The following BMP2K variants were observed in gnomAD, a reference collection of about 807,000 sequenced individuals.
BMP2K encodes BMP-2-inducible protein kinase.
BMP2K carries 74 observed loss-of-function variants against 116.0 expected under a neutral mutation model. The ratio of observed to expected loss-of-function variants is 0.64; its 90% CI spans 0.53 to 0.77. The LOEUF (loss-of-function observed/expected upper bound fraction) is 0.77. Ranked by LOEUF, BMP2K falls within the 30% of genes least tolerant of loss-of-function variation. The probability of loss-of-function intolerance (pLI) is 0.00; values close to 1 mark genes in which losing one functional copy is unlikely to be tolerated. For synonymous variants in BMP2K, 486 were observed against 502.5 expected (o/e 0.97, Z 0.44); for missense variants, 1,365 against 1,403.6 (o/e 0.97, Z 0.44).
At chr4:78,788,626 T>C (rs1329588212) in intron 1 of BMP2K, among the ~76,000 whole-genome samples, 7 of 152,002 alleles carry the variant, frequency 4.6e-5, no homozygotes, top group African/African-American at 1.7e-4. Flanking sequence ...CAAGTGAAGG[T>C]AGCTGTTATG....
rs754720152 is a variant in BMP2K at position 78,798,175 on chromosome 4, C to T, written c.178+21454C>T. 2.6e-5 allele frequency among the ~76,000 whole-genome samples: 4 copies of T among 152,130 alleles called. No individual in the cohort carries two copies. The East Asian group carries it at 7.7e-4, about 29-fold the overall frequency. On this transcript the variant is annotated intron_variant, in intron 1 of 15. Transcript: ENST00000502613. The stretch of plus-strand genomic sequence containing the variant: ...TAAGAATCAAAAAGACAGATCCTAC[C>T]TAGGAAAGTCTTGGAGTTTGGTATG...
intron 15 of BMP2K, among the ~76,000 whole-genome samples, chr4:78,906,915 C>G (rs1356518018): frequency 2.0e-5 from 3 of 152,050 alleles, no homozygotes; most frequent in African/African-American, 4.8e-5. Flanking sequence ...GTGACCTTGT[C>G]AGGATTATTA....
In BMP2K at chr4:78,887,230, C is replaced by T. The variant is rs755467322; in HGVS notation, c.2008C>T (p.His670Tyr). The change falls in exon 15 of 16, where the codon CAT (histidine) becomes TAT (tyrosine). Residue 670 changes from histidine to tyrosine, a missense_variant. This residue lies in a region of BMP2K where 596 missense variants were observed against 623.2 expected (regional missense o/e 0.96). Coordinates refer to ENST00000502613, the MANE Select transcript of BMP2K (RefSeq NM_198892.2). The stretch of plus-strand genomic sequence containing the variant: ...GAATGTAGACTCACTTTCTGCTCCA[C>T]ATAACCATCCTCCAGAAGATCCTTT... Reference protein sequence around the residue: ...DKNVDSLSAPHNHPPEDPFGS... With the variant: ...DKNVDSLSAPYNHPPEDPFGS... The T allele has an allele frequency of 3.1e-6, 5 of 1,611,994 alleles. No individual in the cohort carries two copies. The South Asian group carries it at 4.4e-5, about 14-fold the overall frequency.
intron 15 of BMP2K, among the ~76,000 whole-genome samples, chr4:78,891,496 T>C (rs1312615470): frequency 6.6e-6 from 1 of 152,212 alleles, no homozygotes; most frequent in Admixed American, 6.5e-5. Context: ...TTAAAATCAT[T>C]CCTCTTACTA....
At chr4:78,815,931 C>T (rs888357224) in intron 1 of BMP2K, among the ~76,000 whole-genome samples, 1 of 152,050 alleles carries the variant, frequency 6.6e-6, no homozygotes, top group African/African-American at 2.4e-5. Flanking sequence ...ATGATGTATA[C>T]AGATTGCTTT....
intron 15 of BMP2K, among the ~76,000 whole-genome samples, chr4:78,893,408 T>C (rs183478996): frequency 6.6e-6 from 1 of 152,322 alleles, no homozygotes; most frequent in East Asian, 1.9e-4. Flanking sequence ...TCCAGAGTCT[T>C]GTTAATGTTG....
intron 14 of BMP2K, among the ~76,000 whole-genome samples, chr4:78,883,150 C>T (rs1732939238): frequency 6.6e-6 from 1 of 152,030 alleles, no homozygotes; most frequent in Admixed American, 6.6e-5. Context: ...TCTTTATTCA[C>T]CAACATAATT....
At chr4:78,863,302 C>T (rs1329234755) in intron 9 of BMP2K, among the ~76,000 whole-genome samples, 4 of 152,066 alleles carry the variant, frequency 2.6e-5, no homozygotes, top group South Asian at 2.1e-4. Flanking sequence ...TTAGTTTTTT[C>T]CATGTAAAGA....
chr4:78,864,403 A>ATATATG, intron 9 of BMP2K, among the ~76,000 whole-genome samples: 1 of 151,812 alleles, frequency 6.6e-6, no homozygotes, highest in African/African-American at 2.4e-5. Context: ...ACACCGATAT[A>ATATATG]TATATCGGTG....
intron 14 of BMP2K, 74 bp downstream of exon 14, chr4:78,878,965 A>T: frequency 6.5e-7 from 1 of 1,546,412 alleles, no homozygotes; most frequent in Non-Finnish European, 8.7e-7. Context: ...AAGGCCAAAG[A>T]CTTTTGAGAA....
intron 13 of BMP2K, among the ~76,000 whole-genome samples, chr4:78,874,175 T>TCACACACA (rs148882911): frequency 2.2e-4 from 33 of 148,304 alleles, no homozygotes; most frequent in African/African-American, 5.4e-4. Flanking sequence ...AGACTCCATC[T>TCACACACA]CACACACACA....
At chr4:78,832,702 A>T (rs1730268871) in intron 2 of BMP2K, among the ~76,000 whole-genome samples, 1 of 152,042 alleles carries the variant, frequency 6.6e-6, no homozygotes. Flanking sequence ...ATGATGTATA[A>T]GGAGCAGCAC....
chr4:78,854,858 G>A lies in BMP2K; in HGVS notation c.883+3802G>A, dbSNP rs113318952. ...GAAAATACCTCACCCAACCTCACTG[G>A]TTATCAACTCATGGCCAATCTTGTT... On this transcript the variant is annotated intron_variant, in intron 7 of 15. Transcript: ENST00000502613. Among the ~76,000 whole-genome samples, 4 of 151,840 alleles carry A rather than the reference G, an allele frequency of 2.6e-5. 1 individual carries two copies. The highest frequency in any genetic ancestry group is 9.7e-5 in the African/African-American group (4 of 41,414).
intron 13 of BMP2K, among the ~76,000 whole-genome samples, chr4:78,875,147 A>G (rs571213917): frequency 2.0e-5 from 3 of 152,318 alleles, no homozygotes; most frequent in African/African-American, 7.2e-5. Context: ...TTAATATTAT[A>G]CCTATTTAAC....
chr4:78,911,402 A>G lies in BMP2K; in HGVS notation c.2855A>G (p.Asp952Gly), dbSNP rs1369043234. ...ACAAGTAAAAGTGAAAGCAATGAGG[A>G]CCTTTTTGGGCTTGTGCCCTTTGAT... ...TSTSKSESNE[D>G]LFGLVPFDEI... The change falls in exon 16 of 16, where the codon GAC becomes GGC. Residue 952 changes from aspartate (D) to glycine (G), a missense_variant. By Grantham distance (94) the Asp-to-Gly change is moderately conservative (BLOSUM62 -1). Around this residue, in one of 3 missense-constraint regions of BMP2K, gnomAD observed 596 missense variants for 623.2 expected, o/e 0.96. Transcript: ENST00000502613. The G allele has an allele frequency of 6.2e-7, 1 of 1,613,900 alleles. No individual in the cohort carries two copies. The highest frequency in any genetic ancestry group is 1.7e-5 in the Admixed American group (1 of 59,996).
intron 4 of BMP2K, among the ~76,000 whole-genome samples, chr4:78,844,469 A>AT (rs1730903661): frequency 6.6e-6 from 1 of 151,752 alleles, no homozygotes; most frequent in Non-Finnish European, 1.5e-5. Context: ...AGTTTCTGTT[A>AT]TTATCTATAG....
Position 78,915,258 on chromosome 4 carries a change from A to G in BMP2K, c.*3225A>G, listed in dbSNP as rs1274818847. 6.6e-6 allele frequency: 1 copy of G among 151,918 alleles called. No individual in the cohort carries two copies. The highest frequency in any genetic ancestry group is 2.4e-5 in the African/African-American group (1 of 41,390). 9.4% of individuals were successfully genotyped at this position (151,918 alleles called of 1,614,324 possible). ...AGACTGTTGTCCTCTTGCTGGTGGA[A>G]AATCTAAGGTGGAGCCCACTCTTCT... On this transcript the variant is annotated 3_prime_UTR_variant, in exon 16 of 16. Transcript: ENST00000502613.
intron 1 of BMP2K, among the ~76,000 whole-genome samples, chr4:78,815,921 A>C (rs746988125): frequency 6.6e-6 from 1 of 152,200 alleles, no homozygotes; most frequent in Non-Finnish European, 1.5e-5. Flanking sequence ...GTAAAGTGAC[A>C]TGATGTATAC....
intron 14 of BMP2K, among the ~76,000 whole-genome samples, chr4:78,882,645 TGTATA>T (rs1469951176): frequency 6.6e-6 from 1 of 151,998 alleles, no homozygotes; most frequent in Admixed American, 6.5e-5. Flanking sequence ...TGCAAATAGT[TGTATA>T]GTTATACTCG....
Sources: gnomAD v4.1 joint callset for allele counts (sites outside exome capture counted in the v4.1 genomes callset) on GRCh38, gnomAD v4.1.1 for gene constraint, gnomAD v4.1.1 regional missense constraint, MANE v1.5 for transcripts, NCBI Gene and HGNC (gene_info 2026-07-23, HGNC 2026-07-21) for gene names.